THSD4: variants seen among roughly 807,000 people sequenced by gnomAD.
The protein encoded by THSD4 is thrombospondin type 1 domain containing 4, also known as thrombospondin type-1 domain-containing protein 4.
Under a neutral mutation model 119.0 loss-of-function variants are expected in THSD4, and 69 were observed. The ratio of observed to expected loss-of-function variants is 0.58; its 90% CI spans 0.48 to 0.71. THSD4 has a LOEUF of 0.71. THSD4 is among the 30% of genes least tolerant of loss of function. The pLI is 0.00. For missense variants in THSD4, 1,393 were observed against 1,391.1 expected (o/e 1.00, Z -0.02); for synonymous variants, 524 against 540.4 (o/e 0.97, Z 0.42).
intron 8 of THSD4, among the ~76,000 whole-genome samples, chr15:71,694,052 G>T (rs1437895225): frequency 1.3e-5 from 2 of 152,064 alleles, no homozygotes; most frequent in Non-Finnish European, 2.9e-5. Context: ...AGAAAAGCCA[G>T]TGTCAAGGTT....
In THSD4 at chr15:71,492,217, C is replaced by A. The variant is rs76497948; in HGVS notation, c.1152+80394C>A. Among the ~76,000 whole-genome samples, 670 of 151,538 alleles carry A rather than the reference C, an allele frequency of 4.4e-3. 4 individuals carry two copies. Among genetic ancestry groups the A allele is most frequent in the African/African-American group, 0.015 (608 of 41,322 alleles). On this transcript the variant is annotated intron_variant, in intron 7 of 17. Transcript: ENST00000261862. ...CCATAGTGGATGGGACACCATTAGT[C>A]TAAGGTAGTATGGCTGTTCCTCGTC...
chr15:71,174,279 C>T (rs1012029516), intron 3 of THSD4, among the ~76,000 whole-genome samples: 11 of 152,124 alleles, frequency 7.2e-5, no homozygotes, highest in African/African-American at 2.7e-4. Flanking sequence ...GGGCGCAGGC[C>T]AGTGTGTGCG....
In THSD4 at chr15:71,757,829, T is replaced by C. The variant is rs1367250530; in HGVS notation, c.2416-73T>C. ...AGGAAAATGAAGCATTCCATCCTCC[T>C]TTCCATCATTTGAAAGTGGCTTCAG... On this transcript the variant is annotated intron_variant, in intron 14 of 17. Coordinates refer to ENST00000261862, the MANE Select transcript of THSD4 (RefSeq NM_024817.3). The C allele has an allele frequency of 3.2e-6, 5 of 1,586,484 alleles. No homozygotes were observed. The Admixed American group carries it at 5.3e-5, about 17-fold the overall frequency.
chr15:71,628,741 T>G (rs1490034518), intron 7 of THSD4, among the ~76,000 whole-genome samples: 4 of 152,182 alleles, frequency 2.6e-5, no homozygotes, highest in African/African-American at 9.7e-5. Flanking sequence ...AGTCTTTGAT[T>G]ACAGATGAAT....
intron 6 of THSD4, among the ~76,000 whole-genome samples, chr15:71,312,137 G>A (rs2045119111): frequency 6.6e-6 from 1 of 152,148 alleles, no homozygotes; most frequent in Non-Finnish European, 1.5e-5. Flanking sequence ...TTGAGTCCTA[G>A]CTTCCAGTAC....
chr15:71,471,347 C>T (rs1046829257), intron 7 of THSD4, among the ~76,000 whole-genome samples: 1 of 152,172 alleles, frequency 6.6e-6, no homozygotes, highest in Non-Finnish European at 1.5e-5. Context: ...TCCAGAATGT[C>T]TGTGCCTTTA....
At position 71,771,124 on chromosome 15, in the gene THSD4, A is replaced by G. The variant is rs1308915788; in HGVS notation, c.2830A>G (p.Met944Val). 3 of 1,606,686 alleles carry G rather than the reference A, an allele frequency of 1.9e-6. No individual in the cohort carries two copies. Among genetic ancestry groups the G allele is most frequent in the Admixed American group, 1.7e-5 (1 of 59,738 alleles). The change falls in exon 17 of 18, where the codon ATG (methionine) becomes GTG (valine). Residue 944 changes from methionine (M) to valine (V), a missense_variant. Coordinates refer to ENST00000261862, the MANE Select transcript of THSD4 (RefSeq NM_024817.3). ...VREVRCLSDD[M>V]TLSNLCDPQL... ...GGAAGTGCGGTGTCTGTCTGATGAC[A>G]TGACTCTAAGTAACCTCTGTGACCC...
chr15:71,733,912 A>C (rs926218481), intron 10 of THSD4: 3 of 92,600 alleles, frequency 3.2e-5, no homozygotes, highest in African/African-American at 2.0e-4. Context: ...TCTGTCTCCA[A>C]AAAAAAAAAA....
intron 7 of THSD4, among the ~76,000 whole-genome samples, chr15:71,557,258 C>A (rs758699937): frequency 1.3e-5 from 2 of 152,148 alleles, no homozygotes; most frequent in Non-Finnish European, 2.9e-5. Context: ...CTTTTTTAAT[C>A]TGTCAGTGTG....
At chr15:71,749,707 T>TTATTTATTTATTTATA in intron 14 of THSD4, among the ~76,000 whole-genome samples, 1 of 143,900 alleles carries the variant, frequency 6.9e-6, no homozygotes, top group Non-Finnish European at 1.5e-5. Flanking sequence ...TTTTATTTAT[T>TTATTTATTTATTTATA]TATTTATTTA....
intron 14 of THSD4, among the ~76,000 whole-genome samples, chr15:71,753,300 C>T (rs1298751218): frequency 1.3e-5 from 2 of 152,128 alleles, no homozygotes; most frequent in African/African-American, 4.8e-5. Context: ...TAGGTTTAAG[C>T]CCATGTGCAA....
chr15:71,278,982 C>G (rs2044621751), intron 6 of THSD4, among the ~76,000 whole-genome samples: 1 of 152,114 alleles, frequency 6.6e-6, no homozygotes, highest in African/African-American at 2.4e-5. Flanking sequence ...AGTCATGCTC[C>G]AGCAAATTAT....
chr15:71,246,681 T>C (rs1245211111), intron 5 of THSD4, among the ~76,000 whole-genome samples: 1 of 152,192 alleles, frequency 6.6e-6, no homozygotes, highest in Non-Finnish European at 1.5e-5. Context: ...GTTCAATTCA[T>C]GTAAGATTTC....
Position 71,108,204 on chromosome 15 carries a change from A to AGG in THSD4, c.-80+11198_-80+11199insGG, listed in dbSNP as rs2040282077. On this transcript the variant is annotated intron_variant, in intron 1 of 17. Transcript: ENST00000355327. ...TGGAGGTGGGAGCTGTCCCAGTGCT[A>AGG]TGGAAGAAATGCTTCTCAGGCCTCA... 2.0e-5 allele frequency among the ~76,000 whole-genome samples: 3 copies of AGG among 152,278 alleles called. No individual in the cohort carries two copies. In the South Asian group the frequency reaches 6.2e-4, roughly 32 times the overall value.
chr15:71,192,247 A>G (rs1189563670), intron 3 of THSD4, among the ~76,000 whole-genome samples: 1 of 151,154 alleles, frequency 6.6e-6, no homozygotes, highest in Admixed American at 6.6e-5. Context: ...CCTTTTTTTG[A>G]TGTGTACTGT....
rs148301311 is a variant in THSD4, at chr15:71,182,293, A to G, written c.99+27361A>G. On this transcript the variant is annotated intron_variant, in intron 3 of 17. Coordinates refer to ENST00000261862, the MANE Select transcript of THSD4 (RefSeq NM_024817.3). ...CCTTTGGACGTTTGTCATTCCATTT[A>G]TAGCAATATTGAAAAATAAATACAT... 5.9e-5 allele frequency among the ~76,000 whole-genome samples: 9 copies of G among 151,882 alleles called. No homozygotes were observed. In the East Asian group the frequency reaches 1.4e-3, roughly 23 times the overall value.
chr15:71,634,549 C>A (rs1263661728), intron 7 of THSD4, among the ~76,000 whole-genome samples: 2 of 152,148 alleles, frequency 1.3e-5, no homozygotes, highest in Non-Finnish European at 2.9e-5. Flanking sequence ...TTCTTAAATC[C>A]CCATAAGATT....
intron 8 of THSD4, among the ~76,000 whole-genome samples, chr15:71,724,034 G>A (rs1409123264): frequency 2.0e-5 from 3 of 146,846 alleles, no homozygotes; most frequent in African/African-American, 5.1e-5. Flanking sequence ...CTGCACTGCA[G>A]CCTGGGAAAC....
At chr15:71,704,096 C>A (rs1013637696) in intron 8 of THSD4, among the ~76,000 whole-genome samples, 1 of 152,194 alleles carries the variant, frequency 6.6e-6, no homozygotes, top group Non-Finnish European at 1.5e-5. Context: ...GATCCGCCCA[C>A]CTTGGCCTCC....
Sources: gnomAD v4.1 joint callset for allele counts (sites outside exome capture counted in the v4.1 genomes callset) on GRCh38, gnomAD v4.1.1 for gene constraint, MANE v1.5 for transcripts, NCBI Gene and HGNC (gene_info 2026-07-23, HGNC 2026-07-21) for gene names.